The following DMBT1 variants were observed in gnomAD, a reference collection of about 807,000 sequenced individuals.
The protein encoded by DMBT1 is scavenger receptor cysteine-rich domain-containing protein DMBT1.
A neutral mutation model predicts 252.9 loss-of-function variants in DMBT1; 198 were observed. The ratio of observed to expected loss-of-function variants is 0.78; its 90% CI spans 0.70 to 0.88. DMBT1 has a LOEUF of 0.88. DMBT1 is among the 40% of genes least tolerant of loss of function. The probability of loss-of-function intolerance (pLI) is 0.00; values close to 1 mark genes in which losing one functional copy is unlikely to be tolerated. For missense variants in DMBT1, 2,432 were observed against 2,404.7 expected (o/e 1.01, Z -0.24); for synonymous variants, 990 against 942.7 (o/e 1.05, Z -0.92).
At chr10:122,561,994 C>G (rs956830374) in intron 1 of DMBT1, among the ~76,000 whole-genome samples, 6 of 151,728 alleles carry the variant, frequency 4.0e-5, no homozygotes, top group Non-Finnish European at 8.8e-5. Flanking sequence ...TGTCAGGCAG[C>G]TATTATCACC....
chr10:122,630,826 C>T lies in DMBT1; in HGVS notation c.6026-135C>T, dbSNP rs575894571. 6.1e-6 allele frequency: 6 copies of T among 986,604 alleles called. No homozygotes were observed. The African/African-American group carries it at 8.2e-5, about 13-fold the overall frequency. The allele number at this position is 986,604 out of a possible 1,614,324, so 61.1% of individuals were successfully genotyped here. On this transcript the variant is annotated intron_variant, in intron 48 of 55. Transcript: ENST00000338354. ...TGCATGGAGCGGTCCAGTACCTCCA[C>T]CCCAGCTTTTCCACATTTCTATTTG...
In DMBT1 at chr10:122,589,198, A is replaced by G. The variant is rs931812184; in HGVS notation, c.2038A>G (p.Ser680Gly). 1 of 1,588,318 alleles carries G rather than the reference A, an allele frequency of 6.3e-7. No homozygotes were observed. Among genetic ancestry groups the G allele is most frequent in the Non-Finnish European group, 8.6e-7 (1 of 1,165,688 alleles). Residue 680 changes from serine (S) to glycine (G), a missense_variant, in exon 17 of 56, where the codon AGC becomes GGC. Ser to Gly is a moderately conservative substitution (Grantham distance 56, BLOSUM62 0). Transcript: ENST00000338354. The part of the protein sequence containing the change: ...RCSGHESYLW[S>G]CPNNGWLSHN... Reference sequence around the variant, plus strand: ...CTCAGGACATGAGTCCTACCTGTGGAGCTGCCCCAACAATGGCTGGCTCTC... The same window carrying G: ...CTCAGGACATGAGTCCTACCTGTGGGGCTGCCCCAACAATGGCTGGCTCTC...
intron 51 of DMBT1, 133 bp downstream of exon 51, chr10:122,633,023 A>G (rs2098178794): frequency 6.6e-7 from 1 of 1,520,662 alleles, no homozygotes; most frequent in Non-Finnish European, 9.0e-7. Context: ...GTGCCCTGCC[A>G]GCCCTCAGTG....
chr10:122,563,033 A>G (rs2097561876), intron 1 of DMBT1, among the ~76,000 whole-genome samples: 1 of 152,134 alleles, frequency 6.6e-6, no homozygotes, highest in African/African-American at 2.4e-5. Flanking sequence ...GATGAACTGA[A>G]CTGTGGCATC....
At chr10:122,636,468 G>A (rs560839865) in intron 53 of DMBT1, among the ~76,000 whole-genome samples, 12 of 152,326 alleles carry the variant, frequency 7.9e-5, no homozygotes, top group East Asian at 1.9e-4. Flanking sequence ...GATGCTCTTC[G>A]TGGAGAGTGA....
rs1393137278 is a variant in DMBT1, at chr10:122,592,569, A to G, written c.2474A>G (p.His825Arg). The part of the protein sequence containing the change: ...NGWLSHNCGH[H>R]EDAGVICSVS... The stretch of plus-strand genomic sequence containing the variant: ...TGGCTCTCCCACAACTGTGGCCATC[A>G]TGAAGATGCTGGTGTCATCTGCTCA... The change falls in exon 20 of 56, where the codon CAT becomes CGT. Residue 825 changes from histidine (H) to arginine (R), a missense_variant. Transcript: ENST00000338354. 7.6e-6 allele frequency: 12 copies of G among 1,588,340 alleles called. 1 individual carries two copies. Among genetic ancestry groups the G allele is most frequent in the South Asian group, 3.5e-5 (3 of 86,922 alleles).
At position 122,643,285 on chromosome 10, in the gene DMBT1, G is replaced by T. The variant is rs773647369; in HGVS notation, c.7516G>T (p.Gly2506Cys). ...TGACCCCTCTTCCCGCTGCTACCGA[G>T]GCTGTGTGTTGAGGTCGAAGAGGGA... The part of the protein sequence containing the change: ...AYDPSSRCYR[G>C]CVLRSKRDVG... The change falls in exon 56 of 56, where the codon GGC becomes TGC. Residue 2506 changes from glycine to cysteine, a missense_variant. Gly to Cys is a radical substitution (Grantham distance 159). Coordinates refer to ENST00000338354, the MANE Select transcript of DMBT1 (RefSeq NM_001377530.1). 6.2e-7 allele frequency: 1 copy of T among 1,613,872 alleles called. No individual in the cohort carries two copies. Among genetic ancestry groups the T allele is most frequent in the African/African-American group, 1.3e-5 (1 of 74,918 alleles).
chr10:122,593,661 A>G, intron 21 of DMBT1, 63 bp downstream of exon 21: 2 of 1,478,204 alleles, frequency 1.4e-6, no homozygotes, highest in Non-Finnish European at 1.8e-6. Flanking sequence ...CCCCTTCCAC[A>G]CTCCACAGAG....
intron 52 of DMBT1, among the ~76,000 whole-genome samples, chr10:122,634,462 C>T (rs1186368165): frequency 1.6e-5 from 2 of 122,598 alleles, no homozygotes; most frequent in African/African-American, 6.8e-5. Flanking sequence ...CTCTCTCTCT[C>T]TCTCTCTCTC....
Position 122,621,120 on chromosome 10 carries a change from A to C in DMBT1, c.5348A>C (p.Glu1783Ala), listed in dbSNP as rs2098063438. Reference protein sequence around the residue: ...NGGDRCRGRVEVLYRGSWGTV... With the variant: ...NGGDRCRGRVAVLYRGSWGTV... ...GGTGACAGGTGTCGAGGCCGAGTGG[A>C]GGTCCTGTATCGAGGCTCCTGGGGA... The change falls in exon 44 of 56, where the codon GAG (glutamate) becomes GCG (alanine). Residue 1783 changes from glutamate (E) to alanine (A), a missense_variant. Transcript: ENST00000338354. 1 of 1,613,576 alleles carries C rather than the reference A, an allele frequency of 6.2e-7. No homozygotes were observed. The highest frequency in any genetic ancestry group is 1.3e-5 in the African/African-American group (1 of 74,914).
chr10:122,576,322 A>T lies in DMBT1; in HGVS notation c.284-77A>T. ...TCAAAGATATCTGCCTATGGGGAAG[A>T]CCCTGAATGCCCTGCAGGCCCTGAG... On this transcript the variant is annotated intron_variant, in intron 6 of 55. Coordinates refer to ENST00000338354, the MANE Select transcript of DMBT1 (RefSeq NM_001377530.1). The T allele has an allele frequency of 4.5e-6, 7 of 1,558,046 alleles. No homozygotes were observed. In the South Asian group the frequency reaches 8.5e-5, roughly 19 times the overall value.
intron 5 of DMBT1, 39 bp from the exon 6 acceptor site, chr10:122,573,676 G>C (rs2097686507): frequency 1.9e-6 from 3 of 1,612,412 alleles, no homozygotes. Flanking sequence ...CCCAAGCGAG[G>C]GCTACGATCA....
intron 3 of DMBT1, 38 bp downstream of exon 3, chr10:122,570,247 C>G (rs746987183): frequency 1.4e-6 from 2 of 1,412,106 alleles, no homozygotes; most frequent in South Asian, 2.3e-5. Flanking sequence ...GGGCTCATTA[C>G]CCCACTGCAC....
At position 122,630,284 on chromosome 10, in the gene DMBT1, A is replaced by T. The variant is rs769986470; in HGVS notation, c.5823-4A>T. ...GTTGACTTGAATACATTTTCTCCAT[A>T]CAGATTGGAGGCACACCATAACTGC... On this transcript the variant is annotated splice_region_variant and splice_polypyrimidine_tract_variant and intron_variant, in intron 47 of 55. Coordinates refer to ENST00000338354, the MANE Select transcript of DMBT1 (RefSeq NM_001377530.1). The T allele has an allele frequency of 1.9e-6, 3 of 1,612,286 alleles. No individual in the cohort carries two copies. Among genetic ancestry groups the T allele is most frequent in the Non-Finnish European group, 2.5e-6 (3 of 1,178,426 alleles).
intron 5 of DMBT1, 74 bp from the exon 6 acceptor site, chr10:122,573,641 C>T (rs1054055255): frequency 3.0e-5 from 46 of 1,558,004 alleles, no homozygotes; most frequent in Non-Finnish European, 3.6e-5. Flanking sequence ...TGCTTCAGAG[C>T]TGAGCAAGCC....
At chr10:122,584,873 A>C (rs2097776460) in intron 14 of DMBT1, among the ~76,000 whole-genome samples, 1 of 149,046 alleles carries the variant, frequency 6.7e-6, no homozygotes, top group Non-Finnish European at 1.5e-5. Flanking sequence ...AGGGATAATA[A>C]ATATTTCTGG....
At chr10:122,592,214 GC>G (rs2097854996) in intron 19 of DMBT1, 57 bp from the exon 20 acceptor site, 1 of 1,572,334 alleles carries the variant, frequency 6.4e-7, no homozygotes, top group Non-Finnish European at 8.6e-7. Flanking sequence ...TGTGGAACGT[GC>G]CTTAGATCCT....
chr10:122,618,460 T>A (rs1342794864), intron 41 of DMBT1, 120 bp downstream of exon 41: 6 of 1,522,686 alleles, frequency 3.9e-6, no homozygotes, highest in East Asian at 2.3e-5. Context: ...ATTTCTGAAG[T>A]CTTGTTAGCT....
At position 122,586,791 on chromosome 10, in the gene DMBT1, AC is replaced by A. The variant is rs1317393288; in HGVS notation, c.1783+410del. Among the ~76,000 whole-genome samples, 6 of 148,204 alleles carry A rather than the reference AC, an allele frequency of 4.0e-5. 1 individual carries two copies. The highest frequency in any genetic ancestry group is 9.0e-5 in the Non-Finnish European group (6 of 66,608). On this transcript the variant is annotated intron_variant, in intron 16 of 55. Transcript: ENST00000338354. ...GGCATCTGCTCGGCTTCTGCTGAGG[AC>A]CTCAGGCTGCTTGTACTCCTGGCAG...
Sources: allele counts gnomAD v4.1 joint callset (sites outside exome capture counted in the v4.1 genomes callset), GRCh38; gene constraint gnomAD v4.1.1; transcripts MANE v1.5; gene names NCBI Gene and HGNC (gene_info 2026-07-23, HGNC 2026-07-21).